The following CGNL1 variants were observed in gnomAD, a reference collection of about 807,000 sequenced individuals.
CGNL1 encodes the protein cingulin like 1, also known as cingulin-like protein 1.
Under a neutral mutation model 141.2 loss-of-function variants are expected in CGNL1, and 132 were observed. The ratio of observed to expected loss-of-function variants is 0.93; its 90% CI spans 0.81 to 1.08. The LOEUF (loss-of-function observed/expected upper bound fraction) is 1.08, where lower values mean the gene tolerates loss of function less well. CGNL1 is among the 50% of genes least tolerant of loss of function. CGNL1 has a pLI of 0.00. For synonymous variants in CGNL1, 690 were observed against 622.1 expected (o/e 1.11, Z -1.63); for missense variants, 1,870 against 1,588.6 (o/e 1.18, Z -3.01).
intron 14 of CGNL1, among the ~76,000 whole-genome samples, chr15:57,539,618 C>T (rs1385443013): frequency 6.6e-6 from 1 of 152,232 alleles, no homozygotes; most frequent in African/African-American, 2.4e-5. Flanking sequence ...CTGAGCTTTG[C>T]AGTCAGGCTC....
At chr15:57,505,793 C>CA (rs1186602392) in intron 8 of CGNL1, among the ~76,000 whole-genome samples, 1 of 152,150 alleles carries the variant, frequency 6.6e-6, no homozygotes, top group Non-Finnish European at 1.5e-5. Flanking sequence ...TTTGGGGCTG[C>CA]AAGGAAGCAC....
At chr15:57,446,172 A>G (rs542910241) in intron 4 of CGNL1, among the ~76,000 whole-genome samples, 4 of 152,220 alleles carry the variant, frequency 2.6e-5, no homozygotes, top group Admixed American at 6.5e-5. Context: ...TAGCAAACAG[A>G]TAAGTCTTCA....
intron 8 of CGNL1, among the ~76,000 whole-genome samples, chr15:57,498,626 C>T (rs943910633): frequency 3.9e-5 from 6 of 152,032 alleles, no homozygotes; most frequent in East Asian, 3.8e-4. Context: ...TATCCTAAAA[C>T]GTTTACAGAA....
chr15:57,524,531 T>C, intron 11 of CGNL1, 50 bp from the exon 12 acceptor site: 1 of 1,541,234 alleles, frequency 6.5e-7, no homozygotes. Context: ...ACCCAGACCC[T>C]GGTCTCAGAG....
chr15:57,421,172 C>T (rs1283331663), intron 1 of CGNL1, among the ~76,000 whole-genome samples: 1 of 152,180 alleles, frequency 6.6e-6, no homozygotes, highest in Admixed American at 6.6e-5. Context: ...AAGACAGCTA[C>T]CTGCAAGCCA....
At chr15:57,388,463 C>T (rs1595649752) in intron 1 of CGNL1, among the ~76,000 whole-genome samples, 1 of 152,172 alleles carries the variant, frequency 6.6e-6, no homozygotes, top group African/African-American at 2.4e-5. Context: ...CCTGGACTGC[C>T]CGGATCTGAA....
chr15:57,393,720 C>G (rs143590663), intron 1 of CGNL1, among the ~76,000 whole-genome samples: 102 of 152,110 alleles, frequency 6.7e-4, no homozygotes, highest in African/African-American at 2.4e-3. Context: ...ACTCTAAAGA[C>G]CAAATGTCAT....
At chr15:57,471,729 A>G (rs1389567967) in intron 8 of CGNL1, among the ~76,000 whole-genome samples, 3 of 152,206 alleles carry the variant, frequency 2.0e-5, no homozygotes, top group African/African-American at 7.2e-5. Context: ...CAAACCACTC[A>G]GATTTCGTGT....
chr15:57,380,770 A>G (rs1664466), intron 1 of CGNL1, among the ~76,000 whole-genome samples: 150,772 of 152,320 alleles, frequency 0.99, 74,645 homozygotes, highest in Middle Eastern at 1. Context: ...ACTTCCTGGG[A>G]GTGGGAAGCT....
At chr15:57,424,026 G>T (rs2062946394) in intron 1 of CGNL1, among the ~76,000 whole-genome samples, 1 of 152,152 alleles carries the variant, frequency 6.6e-6, no homozygotes, top group African/African-American at 2.4e-5. Context: ...TCTTATTGGT[G>T]ACTTCTCGCC....
At chr15:57,425,093 G>T (rs754982788) in intron 1 of CGNL1, among the ~76,000 whole-genome samples, 1 of 152,236 alleles carries the variant, frequency 6.6e-6, no homozygotes, top group Non-Finnish European at 1.5e-5. Context: ...CATTATACAG[G>T]CTTGTGAAAG....
At chr15:57,472,992 C>T (rs1369176710) in intron 8 of CGNL1, among the ~76,000 whole-genome samples, 1 of 152,104 alleles carries the variant, frequency 6.6e-6, no homozygotes, top group Non-Finnish European at 1.5e-5. Flanking sequence ...AATCTCTGAG[C>T]CATCCATGGA....
chr15:57,495,619 G>A (rs1290398250), intron 8 of CGNL1, among the ~76,000 whole-genome samples: 1 of 152,166 alleles, frequency 6.6e-6, no homozygotes, highest in East Asian at 1.9e-4. Context: ...AAATACAAAG[G>A]TATAGCCACT....
At chr15:57,433,091 T>G (rs1025275123) in intron 1 of CGNL1, among the ~76,000 whole-genome samples, 4 of 150,276 alleles carry the variant, frequency 2.7e-5, no homozygotes, top group Admixed American at 1.3e-4. Context: ...TAACCCCATT[T>G]AGTAAATACC....
rs2032939764 is a variant in CGNL1, at chr15:57,547,622, C to T, written c.*132C>T. On this transcript the variant is annotated 3_prime_UTR_variant, in exon 19 of 19. Coordinates refer to ENST00000281282, the MANE Select transcript of CGNL1 (RefSeq NM_032866.5). ...GCCTCTTTGCACAGCATGCCAGCTCCTCAGTGTTACATTCCTCGCCAGGGT... is the reference window on the plus strand; with the variant it reads ...GCCTCTTTGCACAGCATGCCAGCTCTTCAGTGTTACATTCCTCGCCAGGGT... 9.7e-7 allele frequency: 1 copy of T among 1,034,692 alleles called. No homozygotes were observed. Among genetic ancestry groups the T allele is most frequent in the African/African-American group, 1.6e-5 (1 of 62,290 alleles). 64.1% of individuals were successfully genotyped at this position (1,034,692 alleles called of 1,614,324 possible).
Position 57,442,311 on chromosome 15 carries a change from A to G in CGNL1, c.1698-62A>G. 5 of 1,011,338 alleles carry G rather than the reference A, an allele frequency of 4.9e-6. No homozygotes were observed. The South Asian group carries it at 5.4e-5, about 11-fold the overall frequency. The allele number at this position is 1,011,338 out of a possible 1,614,324, so 62.6% of individuals were successfully genotyped here. A position where few individuals can be genotyped will look rare whatever the true frequency, so the allele number is the denominator to read the frequency against. On this transcript the variant is annotated intron_variant, in intron 3 of 18. Transcript: ENST00000281282. The stretch of plus-strand genomic sequence containing the variant: ...ACCTGTTGGGTGTGTGTCATGACAT[A>G]TAAATTGTTCTGAGACCAGTGGTTG...
chr15:57,512,537 C>T (rs1197438533), intron 8 of CGNL1, among the ~76,000 whole-genome samples: 1 of 152,154 alleles, frequency 6.6e-6, no homozygotes, highest in African/African-American at 2.4e-5. Context: ...TGTCTCAATA[C>T]ACACAAGGTC....
At chr15:57,500,236 G>C (rs1470299334) in intron 8 of CGNL1, among the ~76,000 whole-genome samples, 1 of 152,182 alleles carries the variant, frequency 6.6e-6, no homozygotes, top group East Asian at 1.9e-4. Flanking sequence ...GTTTTTCTGA[G>C]GCCAGATAAG....
At chr15:57,545,164 T>G (rs2032788347) in intron 16 of CGNL1, among the ~76,000 whole-genome samples, 1 of 152,188 alleles carries the variant, frequency 6.6e-6, no homozygotes, top group Non-Finnish European at 1.5e-5. Flanking sequence ...CAGCAGTCGT[T>G]CTGACTCACA....
Sources: allele counts gnomAD v4.1 joint callset (sites outside exome capture counted in the v4.1 genomes callset), GRCh38; gene constraint gnomAD v4.1.1; transcripts MANE v1.5; gene names NCBI Gene and HGNC (gene_info 2026-07-23, HGNC 2026-07-21).